Variants in MAGI3 observed in about 807,000 individuals in gnomAD.
The protein encoded by MAGI3 is membrane associated guanylate kinase, WW and PDZ domain containing 3.
In MAGI3, 43 loss-of-function variants were observed where a neutral mutation model predicts 121.8. The ratio of observed to expected loss-of-function variants is 0.35; its 90% confidence interval spans 0.28 to 0.46. MAGI3 has a LOEUF of 0.46. MAGI3 is among the 20% of genes least tolerant of loss of function. The probability of loss-of-function intolerance (pLI) is 1.00; values close to 1 mark genes in which losing one functional copy is unlikely to be tolerated. For missense variants in MAGI3, 1,547 were observed against 1,797.3 expected (o/e 0.86, Z 2.52); for synonymous variants, 553 against 639.3 (o/e 0.86, Z 2.04).
chr1:113,553,576 A>C (rs1659868620), intron 2 of MAGI3, among the ~76,000 whole-genome samples: 1 of 152,202 alleles, frequency 6.6e-6, no homozygotes, highest in Admixed American at 6.5e-5. Flanking sequence ...GCAGGGCTAA[A>C]ATAGTCAGAT....
chr1:113,590,986 C>T (rs919685798), intron 5 of MAGI3, among the ~76,000 whole-genome samples: 3 of 151,842 alleles, frequency 2.0e-5, no homozygotes, highest in Non-Finnish European at 4.4e-5. Flanking sequence ...GTAGATTGTC[C>T]AGCTTAATGA....
chr1:113,441,032 C>T (rs12022213), intron 1 of MAGI3, among the ~76,000 whole-genome samples: 23,193 of 152,004 alleles, frequency 0.15, 2,813 homozygotes, highest in East Asian at 0.63. Flanking sequence ...AGTGGACAAC[C>T]GCCACTACCA....
chr1:113,623,040 A>G, intron 9 of MAGI3, 46 bp downstream of exon 9: 2 of 1,280,242 alleles, frequency 1.6e-6, no homozygotes, highest in East Asian at 5.8e-5. Context: ...ATACTATAAC[A>G]AAAATTATAG....
At position 113,549,502 on chromosome 1, in the gene MAGI3, G is replaced by GTCTTTGC; in HGVS notation, c.317-10_317-4dup. 1.2e-6 allele frequency: 1 copy of GTCTTTGC among 865,460 alleles called. No individual in the cohort carries two copies. Among genetic ancestry groups the GTCTTTGC allele is most frequent in the Non-Finnish European group, 1.6e-6 (1 of 630,528 alleles). The allele number at this position is 865,460 out of a possible 1,614,324, so 53.6% of individuals were successfully genotyped here. A position where few individuals can be genotyped will look rare whatever the true frequency, so the allele number is the denominator to read the frequency against. On this transcript the variant is annotated splice_polypyrimidine_tract_variant and intron_variant, in intron 1 of 20. Coordinates refer to ENST00000307546, the MANE Select transcript of MAGI3 (RefSeq NM_001142782.2). ...CATTTATTTTCTGTTTTTTTTTTTT[G>GTCTTTGC]TCTTTGCTCCAGGCAAAGTCATTAA... is the stretch of plus-strand genomic sequence containing the variant.
intron 1 of MAGI3, among the ~76,000 whole-genome samples, chr1:113,495,656 T>C (rs995443085): frequency 6.6e-5 from 10 of 152,196 alleles, no homozygotes; most frequent in Non-Finnish European, 2.9e-5. Context: ...CTAAACCTGC[T>C]AAAGATCATC....
chr1:113,609,864 G>A (rs529872029), intron 6 of MAGI3, among the ~76,000 whole-genome samples: 1 of 152,106 alleles, frequency 6.6e-6, no homozygotes, highest in Non-Finnish European at 1.5e-5. Flanking sequence ...GGTTAGGTTA[G>A]GTCTTTCCTG....
Position 113,420,298 on chromosome 1 carries a change from A to G in MAGI3, c.316+28949A>G, listed in dbSNP as rs190885217. Reference sequence around the variant, plus strand: ...TCTATGCATAGCTCAGTGCTATTATAATTTGGATATGGAACAATCCCTGCC... The same window carrying G: ...TCTATGCATAGCTCAGTGCTATTATGATTTGGATATGGAACAATCCCTGCC... On this transcript the variant is annotated intron_variant, in intron 1 of 20. Coordinates refer to ENST00000307546, the MANE Select transcript of MAGI3 (RefSeq NM_001142782.2). Among the ~76,000 whole-genome samples, 34 of 152,284 alleles carry G rather than the reference A, an allele frequency of 2.2e-4. 1 individual carries two copies. The highest frequency in any genetic ancestry group is 3.4e-3 in the Middle Eastern group (1 of 294).
chr1:113,580,398 C>A, intron 2 of MAGI3, 144 bp from the exon 3 acceptor site: 2 of 592,146 alleles, frequency 3.4e-6, no homozygotes, highest in Non-Finnish European at 5.4e-6. Flanking sequence ...ACAATTTTAT[C>A]TGTGAATTTT....
intron 1 of MAGI3, among the ~76,000 whole-genome samples, chr1:113,466,327 G>T (rs1285412030): frequency 6.6e-6 from 1 of 152,074 alleles, no homozygotes; most frequent in East Asian, 1.9e-4. Flanking sequence ...TGCATCCCTG[G>T]GATGAATCCC....
chr1:113,560,235 G>A (rs1168403332), intron 2 of MAGI3, among the ~76,000 whole-genome samples: 1 of 151,968 alleles, frequency 6.6e-6, no homozygotes, highest in Non-Finnish European at 1.5e-5. Flanking sequence ...AAAATTAGTT[G>A]AGTATGGTGG....
At chr1:113,590,745 C>A in intron 5 of MAGI3, 87 bp downstream of exon 5, 2 of 1,212,372 alleles carry the variant, frequency 1.6e-6, no homozygotes, top group Middle Eastern at 2.0e-4. Flanking sequence ...TAGACACATA[C>A]CTTTTTCAGA....
chr1:113,474,923 G>A (rs902215154), intron 1 of MAGI3, among the ~76,000 whole-genome samples: 1 of 152,122 alleles, frequency 6.6e-6, no homozygotes, highest in Non-Finnish European at 1.5e-5. Context: ...CTTGAGCAGT[G>A]GTTTGTAGTT....
At chr1:113,606,120 C>T (rs539242126) in intron 6 of MAGI3, among the ~76,000 whole-genome samples, 2 of 151,976 alleles carry the variant, frequency 1.3e-5, no homozygotes, top group Non-Finnish European at 2.9e-5. Flanking sequence ...CTCATGCCAC[C>T]ATGGCTGGCT....
intron 3 of MAGI3, among the ~76,000 whole-genome samples, chr1:113,583,743 T>TAGAAAGTTCGC (rs1648187275): frequency 6.6e-6 from 1 of 150,976 alleles, no homozygotes; most frequent in Non-Finnish European, 1.5e-5. Context: ...ACTTCTGAGC[T>TAGAAAGTTCGC]AGAAAGTTTG....
intron 16 of MAGI3, among the ~76,000 whole-genome samples, chr1:113,660,184 C>A (rs933959813): frequency 2.0e-5 from 3 of 152,158 alleles, no homozygotes; most frequent in African/African-American, 7.2e-5. Flanking sequence ...TCTGCATGGA[C>A]ATGAATTGAC....
intron 9 of MAGI3, among the ~76,000 whole-genome samples, chr1:113,639,276 A>G (rs2101817409): frequency 6.6e-6 from 1 of 152,334 alleles, no homozygotes; most frequent in South Asian, 2.1e-4. Context: ...CCCTAGTGAG[A>G]TGAACCCGGT....
intron 8 of MAGI3, among the ~76,000 whole-genome samples, chr1:113,620,258 C>CA (rs1261512541): frequency 6.6e-6 from 1 of 152,166 alleles, no homozygotes; most frequent in African/African-American, 2.4e-5. Context: ...GATTTACCTA[C>CA]ATCATTGAGT....
intron 1 of MAGI3, among the ~76,000 whole-genome samples, chr1:113,493,131 C>CT (rs1284930800): frequency 6.6e-6 from 1 of 152,140 alleles, no homozygotes; most frequent in Non-Finnish European, 1.5e-5. Context: ...TGCTACCTGA[C>CT]TTAAAACCGT....
intron 9 of MAGI3, among the ~76,000 whole-genome samples, chr1:113,631,967 G>A (rs763465320): frequency 1.3e-5 from 2 of 152,126 alleles, no homozygotes; most frequent in Non-Finnish European, 2.9e-5. Context: ...TTTCCAGAAA[G>A]ATTTTAGTAT....
Sources: allele counts gnomAD v4.1 joint callset (sites outside exome capture counted in the v4.1 genomes callset), GRCh38; gene constraint gnomAD v4.1.1; transcripts MANE v1.5; gene names NCBI Gene and HGNC (gene_info 2026-07-23, HGNC 2026-07-21).